CNOT6L: variants seen among roughly 807,000 people sequenced by gnomAD.
The protein encoded by CNOT6L is CCR4-NOT transcription complex subunit 6 like, also known as CCR4-NOT transcription complex subunit 6-like.
A neutral mutation model predicts 64.0 loss-of-function variants in CNOT6L; 7 were observed. The ratio of observed to expected loss-of-function variants is 0.11; its 90% confidence interval spans 0.06 to 0.21. The LOEUF (loss-of-function observed/expected upper bound fraction) is 0.21. Among genes scored for constraint, CNOT6L ranks in the 10% least tolerant of loss-of-function variants. CNOT6L has a pLI of 1.00. For synonymous variants in CNOT6L, 193 were observed against 243.4 expected (o/e 0.79, Z 1.93); for missense variants, 245 against 669.0 (o/e 0.37, Z 6.99).
At position 77,772,718 on chromosome 4, in the gene CNOT6L, C is replaced by G. The variant is rs570584897; in HGVS notation, c.400+363G>C. Among the ~76,000 whole-genome samples the G allele has an allele frequency of 7.3e-4, 111 of 152,046 alleles. 2 individuals carry two copies. In the East Asian group the frequency reaches 0.019, roughly 26 times the overall value. ...CCGGCGGATCACGAGGTCAGGAGAT[C>G]GAGACCATCCTGGCTAACATGGTGA... On this transcript the variant is annotated intron_variant, in intron 4 of 11. Coordinates refer to ENST00000504123, the MANE Select transcript of CNOT6L (RefSeq NM_144571.3).
intron 8 of CNOT6L, among the ~76,000 whole-genome samples, chr4:77,735,270 T>G (rs1490060456): frequency 6.6e-6 from 1 of 152,182 alleles, no homozygotes; most frequent in Non-Finnish European, 1.5e-5. Flanking sequence ...TTTCCACAGG[T>G]GTTGATTTCT....
chr4:77,748,476 C>T (rs1724454283), intron 5 of CNOT6L, 92 bp from the exon 6 acceptor site: 2 of 841,310 alleles, frequency 2.4e-6, no homozygotes. Flanking sequence ...GTTTTCTATT[C>T]TGCTGTAACG....
chr4:77,723,746 A>G (rs1721540802), intron 11 of CNOT6L, among the ~76,000 whole-genome samples: 1 of 152,130 alleles, frequency 6.6e-6, no homozygotes, highest in Non-Finnish European at 1.5e-5. Flanking sequence ...CAAACATCAA[A>G]CACTCTCTGA....
chr4:77,743,227 C>G (rs1261734351), intron 7 of CNOT6L, among the ~76,000 whole-genome samples: 1 of 151,994 alleles, frequency 6.6e-6, no homozygotes, highest in East Asian at 1.9e-4. Flanking sequence ...AGAATGATCT[C>G]TTTTTAATAC....
chr4:77,818,973 C>A, intron 1 of CNOT6L: 1 of 669,858 alleles, frequency 1.5e-6, no homozygotes, highest in Non-Finnish European at 2.7e-6. Flanking sequence ...GCAGCTCTCA[C>A]CTGCGAGGCT....
In CNOT6L at chr4:77,716,047, C is replaced by G. The variant is rs1413446027; in HGVS notation, c.*4384G>C. 6.6e-6 allele frequency: 1 copy of G among 152,232 alleles called. No homozygotes were observed. The highest frequency in any genetic ancestry group is 6.6e-5 in the Admixed American group (1 of 15,246). The allele number at this position is 152,232 out of a possible 1,614,324, so 9.4% of individuals were successfully genotyped here. On this transcript the variant is annotated 3_prime_UTR_variant, in exon 12 of 12. Transcript: ENST00000504123. ...TTAATTTCTCTACCTACAATTCACA[C>G]AGTTCTCCAAACATGGTATGACTCA...
intron 1 of CNOT6L, among the ~76,000 whole-genome samples, chr4:77,797,124 A>AAAAG (rs1199636102): frequency 6.6e-6 from 1 of 150,984 alleles, no homozygotes; most frequent in Non-Finnish European, 1.5e-5. Flanking sequence ...AAAAAAAAAA[A>AAAAG]AACTGCCAAG....
Position 77,726,347 on chromosome 4 carries a change from A to G in CNOT6L, c.1275T>C (p.Asn425=). ...PDSGVVEYLS[N]GGVADNHKDF... ...CTTTATGGTTGTCAGCTACTCCTCC[A>G]TTGCTTAAGTATTCCACAACACCTG... Residue 425 remains asparagine, a synonymous_variant, in exon 11 of 12, where the codon AAT becomes AAC. Transcript: ENST00000504123. The G allele has an allele frequency of 6.2e-7, 1 of 1,613,210 alleles. No individual in the cohort carries two copies. The highest frequency in any genetic ancestry group is 8.5e-7 in the Non-Finnish European group (1 of 1,179,360).
In CNOT6L at chr4:77,774,613, C is replaced by T. The variant is rs776277613; in HGVS notation, c.231G>A (p.Lys77=). The change falls in exon 3 of 12, where the codon AAG becomes AAA. Residue 77 remains lysine (K), a synonymous_variant. Coordinates refer to ENST00000504123, the MANE Select transcript of CNOT6L (RefSeq NM_144571.3). ...YLSRIPPDIA[K]LHNLVYLDLS... ...GATCCAGGTAAACCAGATTATGAAG[C>T]TTGGCAATATCAGGTGGAATGCGAC... is the stretch of plus-strand genomic sequence containing the variant. 9.3e-6 allele frequency: 15 copies of T among 1,613,522 alleles called. No individual in the cohort carries two copies. In the South Asian group the frequency reaches 1.5e-4, roughly 17 times the overall value.
chr4:77,819,215 C>T (rs757155430), intron 1 of CNOT6L, 89 bp downstream of exon 1: 3 of 1,611,368 alleles, frequency 1.9e-6, no homozygotes, highest in Admixed American at 3.3e-5. Context: ...CCCACACGCA[C>T]ATTTGTCCCT....
chr4:77,777,931 T>C (rs1728330170), intron 1 of CNOT6L, among the ~76,000 whole-genome samples: 1 of 152,250 alleles, frequency 6.6e-6, no homozygotes, highest in African/African-American at 2.4e-5. Context: ...TCCTTTCCAC[T>C]TACTTAAAGG....
chr4:77,805,876 A>G (rs1381226873), intron 1 of CNOT6L, among the ~76,000 whole-genome samples: 1 of 152,228 alleles, frequency 6.6e-6, no homozygotes, highest in Non-Finnish European at 1.5e-5. Context: ...TTATTCAAGC[A>G]TAAAGTAAGC....
intron 1 of CNOT6L, among the ~76,000 whole-genome samples, chr4:77,802,612 T>G (rs1393986119): frequency 6.6e-6 from 1 of 152,100 alleles, no homozygotes; most frequent in Admixed American, 6.5e-5. Context: ...GAAGATGGAG[T>G]TTATGGGTGA....
chr4:77,792,463 C>T (rs897534488), intron 1 of CNOT6L, among the ~76,000 whole-genome samples: 5 of 152,092 alleles, frequency 3.3e-5, no homozygotes, highest in Admixed American at 2.0e-4. Flanking sequence ...CAGTGGTTCA[C>T]ACCTGTAATC....
chr4:77,785,619 G>T (rs758297763), intron 1 of CNOT6L, among the ~76,000 whole-genome samples: 1 of 152,046 alleles, frequency 6.6e-6, no homozygotes, highest in Non-Finnish European at 1.5e-5. Flanking sequence ...ATACTTCAAA[G>T]AAGATACACG....
chr4:77,727,736 C>T (rs1051312076), intron 10 of CNOT6L, among the ~76,000 whole-genome samples: 30 of 152,044 alleles, frequency 2.0e-4, no homozygotes, highest in African/African-American at 7.3e-4. Flanking sequence ...AAATCAAATA[C>T]AATGGGAGAA....
chr4:77,739,722 A>C (rs889840500), intron 8 of CNOT6L, among the ~76,000 whole-genome samples: 5 of 152,198 alleles, frequency 3.3e-5, no homozygotes, highest in Non-Finnish European at 7.4e-5. Flanking sequence ...CCATGTTACT[A>C]TTCAGGAAAA....
rs537212903 is a variant in CNOT6L at position 77,818,694 on chromosome 4, G to A, written c.5+610C>T. On this transcript the variant is annotated intron_variant, in intron 1 of 11. Coordinates refer to ENST00000504123, the MANE Select transcript of CNOT6L (RefSeq NM_144571.3). Reference sequence around the variant, plus strand: ...GAGACGCGGAGGCGGCCACGGCGACGGCAATCGGCGAGTCCCGCCTCCGAC... The same window carrying A: ...GAGACGCGGAGGCGGCCACGGCGACAGCAATCGGCGAGTCCCGCCTCCGAC... Among the ~76,000 whole-genome samples, 24 of 152,204 alleles carry A rather than the reference G, an allele frequency of 1.6e-4. No homozygotes were observed. The East Asian group carries it at 2.5e-3, about 16-fold the overall frequency.
intron 4 of CNOT6L, among the ~76,000 whole-genome samples, chr4:77,768,996 A>G (rs757524714): frequency 7.2e-5 from 11 of 152,322 alleles, no homozygotes; most frequent in Non-Finnish European, 7.4e-5. Context: ...TGCTTATAGT[A>G]GCCAAAAACA....
Sources: gnomAD v4.1 joint callset for allele counts (sites outside exome capture counted in the v4.1 genomes callset) on GRCh38, gnomAD v4.1.1 for gene constraint, MANE v1.5 for transcripts, NCBI Gene and HGNC (gene_info 2026-07-23, HGNC 2026-07-21) for gene names.